Variants in CELF2 observed in about 807,000 individuals in gnomAD.
The protein encoded by CELF2 is CUGBP Elav-like family member 2, also known as CUG triplet repeat RNA-binding protein 2.
Under a neutral mutation model 62.6 loss-of-function variants are expected in CELF2, and 8 were observed. The observed-to-expected ratio is 0.13, with a 90% CI of 0.07 to 0.23. The LOEUF is 0.23. Ranked by LOEUF, CELF2 falls within the 10% of genes least tolerant of loss-of-function variation. CELF2 has a pLI of 1.00. For missense variants in CELF2, 333 were observed against 671.0 expected, an observed-to-expected ratio of 0.50 and a Z score of 5.56; for synonymous variants, 258 against 250.0, an observed-to-expected ratio of 1.03 and a Z score of -0.30.
chr10:10,955,985 T>C (rs963858606), intron 2 of CELF2, among the ~76,000 whole-genome samples: 1 of 152,166 alleles, frequency 6.6e-6, no homozygotes, highest in Admixed American at 6.5e-5. Flanking sequence ...GCAAATCAAG[T>C]CATCATTTGG....
At chr10:10,590,973 A>G in the CELF2 span, among the ~76,000 whole-genome samples, 2 of 152,234 alleles carry the variant, frequency 1.3e-5, no homozygotes. Flanking sequence ...ATAAATGCAA[A>G]TTAAAACAAT....
intron 2 of CELF2, among the ~76,000 whole-genome samples, chr10:10,920,604 T>C (rs2064802601): frequency 6.6e-6 from 1 of 152,154 alleles, no homozygotes; most frequent in Admixed American, 6.5e-5. Context: ...TATGTCAGTA[T>C]ATTAAATAAG....
the CELF2 span, among the ~76,000 whole-genome samples, chr10:10,547,692 A>AGAGAGAGAGAGT: frequency 1.7e-3 from 232 of 138,104 alleles, no homozygotes; most frequent in African/African-American, 6.1e-3. Context: ...AGAGAGAGAG[A>AGAGAGAGAGAGT]GTGTGTGTGT....
rs756667602 is a variant in CELF2, at chr10:11,217,342, GATT to G, written c.272-82_272-80del. The stretch of plus-strand genomic sequence containing the variant: ...TTTAAATTGTGCGTCCTTTTAAGTA[GATT>G]GTTTGTTCGCCACAGTCTCCATTAT... On this transcript the variant is annotated intron_variant, in intron 2 of 12. Transcript: ENST00000633077. The surrounding 1 kb of genome is among the most constrained non-coding windows in gnomAD (Gnocchi z 5.6). 12 of 889,582 alleles carry G rather than the reference GATT, an allele frequency of 1.3e-5. 1 individual carries two copies. The highest frequency in any genetic ancestry group is 2.2e-5 in the Non-Finnish European group (12 of 557,986). 55.1% of individuals were successfully genotyped at this position (889,582 alleles called of 1,614,324 possible).
chr10:11,161,239 T>C (rs1470917053), intron 1 of CELF2, among the ~76,000 whole-genome samples: 1 of 152,266 alleles, frequency 6.6e-6, no homozygotes, highest in Non-Finnish European at 1.5e-5. Context: ...GGCGTAGTGC[T>C]TGCAGACTTG....
chr10:10,650,253 G>A, the CELF2 span, among the ~76,000 whole-genome samples: 1 of 152,188 alleles, frequency 6.6e-6, no homozygotes, highest in Non-Finnish European at 1.5e-5. Flanking sequence ...ATTATCATGA[G>A]CATTGACTTG....
intron 2 of CELF2, among the ~76,000 whole-genome samples, chr10:10,955,226 A>C (rs1260520472): frequency 2.0e-5 from 3 of 152,266 alleles, no homozygotes; most frequent in Non-Finnish European, 4.4e-5. Context: ...CGTGGCTAAG[A>C]AATTGCAAAG....
At chr10:11,112,641 G>A (rs1193219994) in intron 1 of CELF2, among the ~76,000 whole-genome samples, 5 of 152,200 alleles carry the variant, frequency 3.3e-5, no homozygotes, top group Non-Finnish European at 4.4e-5. Flanking sequence ...AATTCAAGTG[G>A]CAATAAAATG....
At chr10:10,839,902 T>G (rs535944461) in intron 1 of CELF2, among the ~76,000 whole-genome samples, 1 of 152,358 alleles carries the variant, frequency 6.6e-6, no homozygotes, top group African/African-American at 2.4e-5. Flanking sequence ...TGGCAACCGC[T>G]GATATATTTA....
At chr10:10,878,781 G>A (rs989918578) in intron 1 of CELF2, among the ~76,000 whole-genome samples, 5 of 152,096 alleles carry the variant, frequency 3.3e-5, no homozygotes, top group Non-Finnish European at 4.4e-5. Flanking sequence ...TTCTTTGCCC[G>A]CAAACACACA....
At chr10:11,327,492 C>G (rs1410754970) in intron 12 of CELF2, among the ~76,000 whole-genome samples, 2 of 152,170 alleles carry the variant, frequency 1.3e-5, no homozygotes, top group Non-Finnish European at 2.9e-5. Flanking sequence ...CTATAGCACC[C>G]AGTTTGCTTG....
rs1319991812 is a variant in CELF2 at position 11,227,557 on chromosome 10, G to C, written c.354+10050G>C. Among the ~76,000 whole-genome samples, 1 of 152,244 alleles carries C rather than the reference G, an allele frequency of 6.6e-6. No homozygotes were observed. Among genetic ancestry groups the C allele is most frequent in the African/African-American group, 2.4e-5 (1 of 41,460 alleles). Reference sequence around the variant, plus strand: ...AGCACTGGCTGCGATATTAGGGCCAGTTCTGGGTTGGCTCTGTCTAGCCAT... The same window carrying C: ...AGCACTGGCTGCGATATTAGGGCCACTTCTGGGTTGGCTCTGTCTAGCCAT... On this transcript the variant is annotated intron_variant, in intron 3 of 12. Coordinates refer to ENST00000633077, the MANE Select transcript of CELF2 (RefSeq NM_001326342.2). The surrounding 1 kb of genome is among the most constrained non-coding windows in gnomAD (Gnocchi z 4.8).
chr10:10,541,739 T>TC, the CELF2 span, among the ~76,000 whole-genome samples: 1 of 152,114 alleles, frequency 6.6e-6, no homozygotes, highest in Non-Finnish European at 1.5e-5. Context: ...GCCATCTTGG[T>TC]TTTGGTGGGT....
At chr10:11,042,420 C>T (rs2139560370) in intron 1 of CELF2, among the ~76,000 whole-genome samples, 1 of 152,300 alleles carries the variant, frequency 6.6e-6, no homozygotes, top group South Asian at 2.1e-4. Context: ...TGAAGACTCA[C>T]ATTGATGTTT....
the CELF2 span, among the ~76,000 whole-genome samples, chr10:10,563,672 G>T: frequency 6.6e-5 from 10 of 151,920 alleles, no homozygotes; most frequent in Non-Finnish European, 1.5e-5. Flanking sequence ...TGATGGCGGG[G>T]TGGGATTCCT....
At chr10:11,158,613 C>T (rs1473945279) in intron 1 of CELF2, among the ~76,000 whole-genome samples, 1 of 152,096 alleles carries the variant, frequency 6.6e-6, no homozygotes, top group Admixed American at 6.5e-5. Context: ...CTAGATGTCT[C>T]CAAATTTACT....
chr10:11,009,005 CGGGGG>C lies in CELF2; in HGVS notation c.53+3575_53+3579del, dbSNP rs59251408. On this transcript the variant is annotated intron_variant, in intron 1 of 12. Coordinates refer to the CELF2 transcript ENST00000416382. ...ATTTTGATAATTCCTGGGGAATTTGCGGGGGGGGGGGGGGAGCATTCCTGATTCAT... is the reference window on the plus strand; with the variant it reads ...ATTTTGATAATTCCTGGGGAATTTGCGGGGGGGGGAGCATTCCTGATTCAT... 7.9e-3 allele frequency among the ~76,000 whole-genome samples: 520 copies of C among 65,868 alleles called. 13 individuals carry two copies. Among genetic ancestry groups the C allele is most frequent in the African/African-American group, 0.017 (494 of 28,318 alleles). The allele number at this position is 65,868 out of a possible 152,430, so 43.2% of individuals were successfully genotyped here.
At chr10:11,088,597 G>A (rs1226681013) in intron 1 of CELF2, among the ~76,000 whole-genome samples, 1 of 111,722 alleles carries the variant, frequency 9.0e-6, no homozygotes, top group Non-Finnish European at 1.8e-5. Flanking sequence ...TCTTGGCTGT[G>A]TGAATGGATG....
rs565229837 is a variant in CELF2, at chr10:11,098,462, A to G, written c.75-67024A>G. 1.3e-5 allele frequency: 2 copies of G among 152,320 alleles called. No homozygotes were observed. Among genetic ancestry groups the G allele is most frequent in the Admixed American group, 1.3e-4 (2 of 15,296 alleles). The allele number at this position is 152,320 out of a possible 1,614,324, so 9.4% of individuals were successfully genotyped here. A position where few individuals can be genotyped will look rare whatever the true frequency, so the allele number is the denominator to read the frequency against. On this transcript the variant is annotated intron_variant, in intron 1 of 12. Transcript: ENST00000633077. This position sits in a 1 kb window ranked among gnomAD's most constrained non-coding sequence, Gnocchi z 4.0. ...AACCCCCATGTACTGCAGAGGGATA[A>G]CAGTTCTTCAGCCTTGAAAAAGGAA...
Sources: allele counts gnomAD v4.1 joint callset (sites outside exome capture counted in the v4.1 genomes callset), GRCh38; gene constraint gnomAD v4.1.1; non-coding constraint Gnocchi (gnomAD v3.1); transcripts MANE v1.5; gene names NCBI Gene and HGNC (gene_info 2026-07-23, HGNC 2026-07-21).